The following RIMBP2 variants were observed in gnomAD, a reference collection of about 807,000 sequenced individuals.
The protein encoded by RIMBP2 is RIMS-binding protein 2.
A neutral mutation model predicts 118.6 loss-of-function variants in RIMBP2; 48 were observed. The ratio of observed to expected loss-of-function variants is 0.40; its 90% CI spans 0.32 to 0.51. The LOEUF (loss-of-function observed/expected upper bound fraction) is 0.51, where lower values mean the gene tolerates loss of function less well. Ranked by LOEUF, RIMBP2 falls within the 20% of genes least tolerant of loss-of-function variation. The pLI is 0.41. For missense variants in RIMBP2, 1,551 were observed against 1,768.3 expected (o/e 0.88, Z 2.20); for synonymous variants, 762 against 742.9 (o/e 1.03, Z -0.42).
chr12:130,703,790 AC>A lies in RIMBP2; in HGVS notation c.-352+12431del, dbSNP rs2065971636. ...CTAGGGGAGAAGAAAGGAAAACAGCACCCACAATTGAACAGCTTAGGAAATA... is the reference window on the plus strand; with the variant it reads ...CTAGGGGAGAAGAAAGGAAAACAGCACCACAATTGAACAGCTTAGGAAATA... On this transcript the variant is annotated intron_variant, in intron 1 of 22. Transcript: ENST00000690449. The surrounding 1 kb of genome is among the most constrained non-coding windows in gnomAD (Gnocchi z 5.7). Among the ~76,000 whole-genome samples, 1 of 151,930 alleles carries A rather than the reference AC, an allele frequency of 6.6e-6. No homozygotes were observed. Among genetic ancestry groups the A allele is most frequent in the Non-Finnish European group, 1.5e-5 (1 of 68,012 alleles).
intron 1 of RIMBP2, among the ~76,000 whole-genome samples, chr12:130,696,302 G>C (rs1162821546): frequency 6.6e-6 from 1 of 152,254 alleles, no homozygotes; most frequent in Non-Finnish European, 1.5e-5. Flanking sequence ...AGAGGCCGCT[G>C]ATGGGAGTCT....
At position 130,621,794 on chromosome 12, in the gene RIMBP2, C is replaced by A. The variant is rs986601098; in HGVS notation, c.-217+6528G>T. ...ACATTTCCAAAACTCTTGCCAAACACATTTGTACTCTACCCTTTTACTGCC... is the reference window on the plus strand; with the variant it reads ...ACATTTCCAAAACTCTTGCCAAACAAATTTGTACTCTACCCTTTTACTGCC... On this transcript the variant is annotated intron_variant, in intron 2 of 22. Coordinates refer to ENST00000690449, the MANE Select transcript of RIMBP2 (RefSeq NM_001393629.1). The surrounding 1 kb of genome is among the most constrained non-coding windows in gnomAD (Gnocchi z 6.6). 6.6e-6 allele frequency among the ~76,000 whole-genome samples: 1 copy of A among 152,158 alleles called. No individual in the cohort carries two copies. The highest frequency in any genetic ancestry group is 2.1e-4 in the South Asian group (1 of 4,828).
In RIMBP2 at chr12:130,688,953, C is replaced by A. The variant is rs1439794764; in HGVS notation, c.-352+27269G>T. 6.6e-6 allele frequency among the ~76,000 whole-genome samples: 1 copy of A among 152,258 alleles called. No individual in the cohort carries two copies. The highest frequency in any genetic ancestry group is 2.4e-5 in the African/African-American group (1 of 41,470). Reference sequence around the variant, plus strand: ...TCGGTCGCAGGCAGCAGAGAACTGCCCAGTGTGCGCCGATATCCTCTGTCC... The same window carrying A: ...TCGGTCGCAGGCAGCAGAGAACTGCACAGTGTGCGCCGATATCCTCTGTCC... On this transcript the variant is annotated intron_variant, in intron 1 of 22. Transcript: ENST00000690449. This position sits in a 1 kb window ranked among gnomAD's most constrained non-coding sequence, Gnocchi z 4.7.
chr12:130,632,966 C>A (rs2062094180), intron 1 of RIMBP2, among the ~76,000 whole-genome samples: 1 of 152,184 alleles, frequency 6.6e-6, no homozygotes, highest in Non-Finnish European at 1.5e-5. Context: ...TAAACATCTT[C>A]CTCACGGAGC....
chr12:130,702,381 T>G (rs974408957), intron 1 of RIMBP2, among the ~76,000 whole-genome samples: 5 of 152,072 alleles, frequency 3.3e-5, no homozygotes, highest in African/African-American at 1.2e-4. Flanking sequence ...CTGAGTGTGT[T>G]GGCACATGCC....
Position 130,694,679 on chromosome 12 carries a change from C to T in RIMBP2, c.-352+21543G>A, listed in dbSNP as rs1163761625. ...TGCTTCCCTGGACTGGCTTAGTCCCCACTGCGGCAACTTTCCTTGCAGTTG... is the reference window on the plus strand; with the variant it reads ...TGCTTCCCTGGACTGGCTTAGTCCCTACTGCGGCAACTTTCCTTGCAGTTG... On this transcript the variant is annotated intron_variant, in intron 1 of 22. Transcript: ENST00000690449. Among the ~76,000 whole-genome samples the T allele has an allele frequency of 2.0e-5, 3 of 152,202 alleles. No homozygotes were observed. The East Asian group carries it at 5.8e-4, about 29-fold the overall frequency.
Position 130,451,309 on chromosome 12 carries a change from C to T in RIMBP2, c.390G>A (p.Ala130=), listed in dbSNP as rs1200394062. The change falls in exon 8 of 23, where the codon GCG becomes GCA. Residue 130 remains alanine (A), a synonymous_variant. Coordinates refer to ENST00000690449, the MANE Select transcript of RIMBP2 (RefSeq NM_001393629.1). Reference sequence around the variant, plus strand: ...GAAGGGGCCGGATATATTCACCGATCGCAGAGCTGCCTCCAATAGCGCTCT... The same window carrying T: ...GAAGGGGCCGGATATATTCACCGATTGCAGAGCTGCCTCCAATAGCGCTCT... ...GQESAIGGSS[A]IGEYIRPLPQ... The T allele has an allele frequency of 7.4e-6, 12 of 1,613,802 alleles. No homozygotes were observed. The highest frequency in any genetic ancestry group is 1.7e-5 in the Admixed American group (1 of 59,996).
intron 19 of RIMBP2, 141 bp from the exon 20 acceptor site, chr12:130,407,970 C>T (rs2075333408): frequency 2.8e-6 from 2 of 711,856 alleles, no homozygotes; most frequent in Admixed American, 2.1e-5. Context: ...TGGGCACTCA[C>T]ATCAGCAAAC....
chr12:130,636,918 C>T (rs1478960457), intron 1 of RIMBP2, among the ~76,000 whole-genome samples: 3 of 152,170 alleles, frequency 2.0e-5, no homozygotes, highest in Admixed American at 2.0e-4. Flanking sequence ...TAGTAAAAAC[C>T]AAACCCAAAC....
chr12:130,507,225 C>T (rs552292608), intron 3 of RIMBP2, among the ~76,000 whole-genome samples: 8 of 152,262 alleles, frequency 5.3e-5, no homozygotes, highest in Non-Finnish European at 1.0e-4. Context: ...TTTGCCATCA[C>T]GAGGGAAGAA....
Position 130,473,488 on chromosome 12 carries a change from G to A in RIMBP2, c.103-2745C>T, listed in dbSNP as rs554074626. 1.2e-4 allele frequency among the ~76,000 whole-genome samples: 19 copies of A among 152,342 alleles called. No individual in the cohort carries two copies. In the South Asian group the frequency reaches 3.9e-3, roughly 32 times the overall value. On this transcript the variant is annotated intron_variant, in intron 5 of 22. Coordinates refer to ENST00000690449, the MANE Select transcript of RIMBP2 (RefSeq NM_001393629.1). The stretch of plus-strand genomic sequence containing the variant: ...GCAGATTCCCTGTGGCCGAAGTGCT[G>A]GGCATCTAGCTAGGTTGGATGGGGC...
intron 1 of RIMBP2, among the ~76,000 whole-genome samples, chr12:130,653,084 T>C (rs181364415): frequency 3.9e-5 from 6 of 152,330 alleles, no homozygotes; most frequent in Admixed American, 3.3e-4. Context: ...CCTTCTCATA[T>C]TGCAAAATAC....
intron 14 of RIMBP2, among the ~76,000 whole-genome samples, chr12:130,432,783 T>A (rs2077231869): frequency 6.6e-6 from 1 of 152,148 alleles, no homozygotes; most frequent in Non-Finnish European, 1.5e-5. Context: ...AGACTTCTGT[T>A]GTTTGAGCCA....
chr12:130,577,893 C>T (rs763693202), intron 2 of RIMBP2, among the ~76,000 whole-genome samples: 4 of 152,114 alleles, frequency 2.6e-5, no homozygotes, highest in Non-Finnish European at 4.4e-5. Flanking sequence ...TATATAGTAA[C>T]GTAACCTTTG....
chr12:130,472,936 A>G (rs1418352200), intron 5 of RIMBP2, among the ~76,000 whole-genome samples: 1 of 152,250 alleles, frequency 6.6e-6, no homozygotes, highest in Non-Finnish European at 1.5e-5. Flanking sequence ...AGCAAAAACC[A>G]GCAAGAGCAA....
chr12:130,686,507 G>A (rs1368009652), intron 1 of RIMBP2, among the ~76,000 whole-genome samples: 1 of 152,218 alleles, frequency 6.6e-6, no homozygotes, highest in Non-Finnish European at 1.5e-5. Context: ...TGTGCTGCTG[G>A]CCCCAGTGGC....
chr12:130,693,199 T>C (rs1192379175), intron 1 of RIMBP2, among the ~76,000 whole-genome samples: 4 of 152,148 alleles, frequency 2.6e-5, no homozygotes, highest in African/African-American at 9.7e-5. Flanking sequence ...GTCCCTGTGA[T>C]ATGACTCCGT....
chr12:130,657,466 G>A (rs145734891), intron 1 of RIMBP2, among the ~76,000 whole-genome samples: 1 of 152,242 alleles, frequency 6.6e-6, no homozygotes, highest in Admixed American at 6.5e-5. Context: ...AAAGTTCTAA[G>A]TTCAGACGAG....
At chr12:130,702,820 G>T (rs1053969894) in intron 1 of RIMBP2, among the ~76,000 whole-genome samples, 1 of 152,038 alleles carries the variant, frequency 6.6e-6, no homozygotes, top group Non-Finnish European at 1.5e-5. Context: ...GTGCACCTTT[G>T]GACAAGTTGC....
Sources: allele counts gnomAD v4.1 joint callset (sites outside exome capture counted in the v4.1 genomes callset), GRCh38; gene constraint gnomAD v4.1.1; non-coding constraint Gnocchi (gnomAD v3.1); transcripts MANE v1.5; gene names NCBI Gene and HGNC (gene_info 2026-07-23, HGNC 2026-07-21).